KIAA1217: variants seen among roughly 807,000 people sequenced by gnomAD.
KIAA1217 encodes sickle tail protein homolog.
A neutral mutation model predicts 163.9 loss-of-function variants in KIAA1217; 88 were observed. The ratio of observed to expected loss-of-function variants is 0.54; its 90% CI spans 0.45 to 0.64. The LOEUF is 0.64. KIAA1217 is among the 30% of genes least tolerant of loss of function. KIAA1217 has a pLI of 0.00. For missense variants in KIAA1217, 2,372 were observed against 2,475.0 expected (o/e 0.96, Z 0.88); for synonymous variants, 903 against 923.1 (o/e 0.98, Z 0.39).
At chr10:23,727,710 A>C (rs751528734) in intron 1 of KIAA1217, among the ~76,000 whole-genome samples, 6 of 152,176 alleles carry the variant, frequency 3.9e-5, no homozygotes, top group Non-Finnish European at 8.8e-5. Flanking sequence ...GTTTTGTTAC[A>C]TAAGTATACA....
At chr10:24,123,148 G>GTGTA (rs1489583970) in intron 2 of KIAA1217, among the ~76,000 whole-genome samples, 25 of 151,636 alleles carry the variant, frequency 1.6e-4, no homozygotes, top group African/African-American at 5.6e-4. Context: ...GTGTGTGTGT[G>GTGTA]TGTGTGTGTG....
chr10:24,390,718 A>G (rs1036936924), intron 3 of KIAA1217, among the ~76,000 whole-genome samples: 15 of 152,214 alleles, frequency 9.9e-5, no homozygotes, highest in African/African-American at 3.4e-4. Context: ...AACCGAGTCA[A>G]TCTTTAAGTA....
chr10:24,453,651 C>G (rs2061553211), intron 5 of KIAA1217, among the ~76,000 whole-genome samples: 1 of 152,208 alleles, frequency 6.6e-6, no homozygotes, highest in African/African-American at 2.4e-5. Context: ...TGCAGTTATG[C>G]TGTTTGAAAT....
At chr10:24,170,903 T>G (rs1266064976) in intron 2 of KIAA1217, among the ~76,000 whole-genome samples, 3 of 152,240 alleles carry the variant, frequency 2.0e-5, no homozygotes, top group Non-Finnish European at 2.9e-5. Context: ...GACATACCCT[T>G]GAACGCATGC....
At chr10:23,835,641 A>G (rs1838407870) in intron 1 of KIAA1217, among the ~76,000 whole-genome samples, 1 of 152,150 alleles carries the variant, frequency 6.6e-6, no homozygotes, top group Non-Finnish European at 1.5e-5. Context: ...AATTTACTGT[A>G]CCATTTTGAC....
At chr10:24,442,757 G>T (rs970581131) in intron 5 of KIAA1217, among the ~76,000 whole-genome samples, 3 of 152,084 alleles carry the variant, frequency 2.0e-5, no homozygotes, top group African/African-American at 7.2e-5. Flanking sequence ...TTCTTCTCTT[G>T]CCTGACCTTT....
At chr10:23,958,458 T>C (rs1266479163) in intron 1 of KIAA1217, among the ~76,000 whole-genome samples, 1 of 152,092 alleles carries the variant, frequency 6.6e-6, no homozygotes, top group Admixed American at 6.5e-5. Flanking sequence ...TGAAAAATAG[T>C]GAAAAGCCTG....
intron 2 of KIAA1217, among the ~76,000 whole-genome samples, chr10:24,297,794 G>T (rs1458071745): frequency 6.6e-6 from 1 of 151,800 alleles, no homozygotes; most frequent in African/African-American, 2.4e-5. Flanking sequence ...AAAGAAACTG[G>T]AGTCTTTAAA....
At chr10:24,048,631 G>A (rs1357629432) in intron 2 of KIAA1217, among the ~76,000 whole-genome samples, 1 of 151,982 alleles carries the variant, frequency 6.6e-6, no homozygotes, top group African/African-American at 2.4e-5. Context: ...CTGGGAGGGT[G>A]TGGCAGGAAA....
intron 6 of KIAA1217, among the ~76,000 whole-genome samples, chr10:24,491,279 T>TC (rs1170984537): frequency 6.9e-6 from 1 of 145,594 alleles, no homozygotes; most frequent in African/African-American, 2.6e-5. Flanking sequence ...GTTTCTTTTT[T>TC]TTTTTCCTTT....
chr10:23,938,533 G>T (rs922685476), intron 1 of KIAA1217, among the ~76,000 whole-genome samples: 15 of 151,626 alleles, frequency 9.9e-5, no homozygotes, highest in African/African-American at 3.4e-4. Context: ...ACAATAAAAA[G>T]ATACAAATTT....
In KIAA1217 at chr10:24,250,621, T is replaced by TTTTTTTG. The variant is rs1434959136; in HGVS notation, c.354+30712_354+30713insTTTTTTG. ...CTAATTTTTTTTTTTTTTGTATTGTTAATAGAGACGGAGTTTCGCCATGAT... is the reference window on the plus strand; with the variant it reads ...CTAATTTTTTTTTTTTTTGTATTGTTTTTTTTGAATAGAGACGGAGTTTCGCCATGAT... On this transcript the variant is annotated intron_variant, in intron 2 of 20. Coordinates refer to ENST00000376454, the MANE Select transcript of KIAA1217 (RefSeq NM_019590.5). Among the ~76,000 whole-genome samples the TTTTTTTG allele has an allele frequency of 9.6e-3, 489 of 50,702 alleles. 71 individuals are homozygous for TTTTTTTG. Among genetic ancestry groups the TTTTTTTG allele is most frequent in the Non-Finnish European group, 0.012 (354 of 30,758 alleles). The allele number at this position is 50,702 out of a possible 152,430, so 33.3% of individuals were successfully genotyped here.
intron 1 of KIAA1217, among the ~76,000 whole-genome samples, chr10:23,825,176 G>A (rs752644632): frequency 9.2e-5 from 14 of 152,108 alleles, no homozygotes; most frequent in Admixed American, 3.9e-4. Context: ...ATTAGAAAAC[G>A]TCTGCATCTT....
At chr10:23,789,064 T>A (rs561990891) in intron 1 of KIAA1217, among the ~76,000 whole-genome samples, 1 of 152,232 alleles carries the variant, frequency 6.6e-6, no homozygotes, top group African/African-American at 2.4e-5. Flanking sequence ...CTTAATAAAA[T>A]TTGAGACCAA....
At chr10:24,360,487 T>A (rs1026559931) in intron 2 of KIAA1217, among the ~76,000 whole-genome samples, 1 of 152,242 alleles carries the variant, frequency 6.6e-6, no homozygotes, top group South Asian at 2.1e-4. Context: ...CCTTCTATCG[T>A]GGGCTTTAAC....
intron 2 of KIAA1217, among the ~76,000 whole-genome samples, chr10:24,165,972 T>C (rs1338841461): frequency 6.6e-6 from 1 of 152,216 alleles, no homozygotes; most frequent in East Asian, 1.9e-4. Flanking sequence ...CCCTTGGTGC[T>C]GTAGACTCAG....
intron 2 of KIAA1217, among the ~76,000 whole-genome samples, chr10:24,250,213 A>G (rs922580005): frequency 6.6e-6 from 1 of 152,200 alleles, no homozygotes; most frequent in Non-Finnish European, 1.5e-5. Context: ...AAAGCCGCAT[A>G]CATAGATCAA....
At chr10:23,876,027 A>G (rs11812960) in intron 1 of KIAA1217, among the ~76,000 whole-genome samples, 2,317 of 151,942 alleles carry the variant, frequency 0.015, 62 homozygotes, top group African/African-American at 0.05. Context: ...GCAGCAAACC[A>G]ACGTCGCATA....
intron 1 of KIAA1217, among the ~76,000 whole-genome samples, chr10:23,789,038 T>G (rs1364042753): frequency 6.6e-6 from 1 of 152,254 alleles, no homozygotes; most frequent in African/African-American, 2.4e-5. Context: ...AAAGCTCTTT[T>G]TGCATCTCTA....
Sources: gnomAD v4.1 joint callset for allele counts (sites outside exome capture counted in the v4.1 genomes callset) on GRCh38, gnomAD v4.1.1 for gene constraint, MANE v1.5 for transcripts, NCBI Gene and HGNC (gene_info 2026-07-23, HGNC 2026-07-21) for gene names.